Variants in TENM4 observed in about 807,000 individuals in gnomAD.
TENM4 encodes the protein teneurin transmembrane protein 4.
Under a neutral mutation model 243.3 loss-of-function variants are expected in TENM4, and 82 were observed. That is an observed-to-expected ratio of 0.34 (90% CI 0.28 to 0.40). The LOEUF (loss-of-function observed/expected upper bound fraction) is 0.40, where lower values mean the gene tolerates loss of function less well. Among genes scored for constraint, TENM4 ranks in the 10% least tolerant of loss-of-function variants. The pLI is 1.00. For synonymous variants in TENM4, 1,412 were observed against 1,456.3 expected (o/e 0.97, Z 0.69); for missense variants, 3,138 against 3,673.3 (o/e 0.85, Z 3.77).
intron 9 of TENM4, among the ~76,000 whole-genome samples, chr11:78,888,663 G>A (rs1855597318): frequency 6.6e-6 from 1 of 152,184 alleles, no homozygotes; most frequent in Non-Finnish European, 1.5e-5. Flanking sequence ...GACAGCCCCT[G>A]TTCAGCCACA....
chr11:78,898,524 C>T (rs1212527665), intron 7 of TENM4, among the ~76,000 whole-genome samples: 1 of 152,218 alleles, frequency 6.6e-6, no homozygotes, highest in African/African-American at 2.4e-5. Flanking sequence ...CTCTGTTGGG[C>T]CGCTAGGCCT....
chr11:78,754,704 C>G (rs1316286878), intron 19 of TENM4, among the ~76,000 whole-genome samples: 1 of 152,212 alleles, frequency 6.6e-6, no homozygotes, highest in East Asian at 1.9e-4. Flanking sequence ...CACCCAGAGA[C>G]AGAAGCAGCA....
At chr11:78,704,459 G>C (rs1437461282) in intron 27 of TENM4, among the ~76,000 whole-genome samples, 1 of 151,910 alleles carries the variant, frequency 6.6e-6, no homozygotes, top group African/African-American at 2.4e-5. Context: ...CAACAACTGA[G>C]AACTGGCTAA....
At chr11:78,965,215 G>T (rs1343448434) in intron 6 of TENM4, among the ~76,000 whole-genome samples, 1 of 151,910 alleles carries the variant, frequency 6.6e-6, no homozygotes, top group Non-Finnish European at 1.5e-5. Context: ...TTATATAGCT[G>T]CTGTGAGGAC....
intron 20 of TENM4, among the ~76,000 whole-genome samples, chr11:78,736,544 T>C (rs1855802413): frequency 6.6e-6 from 1 of 152,028 alleles, no homozygotes; most frequent in African/African-American, 2.4e-5. Flanking sequence ...GGTGCCTTCC[T>C]GGAAAGCGAA....
Position 78,750,849 on chromosome 11 carries a change from T to TTGTGTGTG in TENM4, c.2756+5948_2756+5955dup, listed in dbSNP as rs72172542. 7.4e-3 allele frequency among the ~76,000 whole-genome samples: 1,084 copies of TTGTGTGTG among 145,764 alleles called. 10 individuals carry two copies. The highest frequency in any genetic ancestry group is 0.026 in the African/African-American group (1,036 of 39,564). On this transcript the variant is annotated intron_variant, in intron 19 of 33. Transcript: ENST00000278550. ...CTGGTCAATATTTACCAAATGAGGC[T>TTGTGTGTG]TGTGTGTGTGTGTGTGTGTGTGTGT...
intron 3 of TENM4, among the ~76,000 whole-genome samples, chr11:79,161,534 G>C (rs906451894): frequency 6.6e-6 from 1 of 152,158 alleles, no homozygotes; most frequent in Non-Finnish European, 1.5e-5. Flanking sequence ...CATGTGAAGT[G>C]GGGGTGGAGA....
At chr11:78,850,991 T>C (rs1171697181) in intron 12 of TENM4, among the ~76,000 whole-genome samples, 2 of 152,182 alleles carry the variant, frequency 1.3e-5, no homozygotes, top group African/African-American at 4.8e-5. Context: ...CAGGATCCCC[T>C]GGGCTTCACC....
chr11:79,131,379 C>A (rs1460273329), intron 4 of TENM4, among the ~76,000 whole-genome samples: 1 of 152,130 alleles, frequency 6.6e-6, no homozygotes, highest in Non-Finnish European at 1.5e-5. Context: ...TATCTTCAGC[C>A]TCCTCAAACA....
intron 29 of TENM4, 45 bp from the exon 30 acceptor site, chr11:78,676,432 G>A (rs1055753540): frequency 5.3e-6 from 8 of 1,509,086 alleles, no homozygotes; most frequent in Middle Eastern, 3.6e-4. Flanking sequence ...GAACGAAGGT[G>A]GAGGGAGGTG....
At chr11:79,321,733 C>T (rs1856894570) in intron 1 of TENM4, among the ~76,000 whole-genome samples, 1 of 150,848 alleles carries the variant, frequency 6.6e-6, no homozygotes, top group South Asian at 2.1e-4. Context: ...CATCTCAAAG[C>T]ATAACAAAGA....
chr11:78,747,445 T>C (rs1280935981), intron 19 of TENM4, among the ~76,000 whole-genome samples: 1 of 152,150 alleles, frequency 6.6e-6, no homozygotes, highest in Admixed American at 6.5e-5. Flanking sequence ...GGATGTGAGG[T>C]TGAGCAGCTG....
At chr11:78,903,181 C>T in intron 7 of TENM4, 87 bp downstream of exon 7, 1 of 1,420,900 alleles carries the variant, frequency 7.0e-7, no homozygotes, top group Non-Finnish European at 9.2e-7. Flanking sequence ...TATCTGGGGA[C>T]ACTGAATGGC....
In TENM4 at chr11:78,722,828, T is replaced by C. The variant is rs1452684149; in HGVS notation, c.3640A>G (p.Ser1214Gly). Residue 1214 changes from serine to glycine, a missense_variant, in exon 24 of 34, where the codon AGC becomes GGC. Physicochemically the swap from Ser to Gly is moderately conservative, Grantham distance 56 (BLOSUM62 0). This residue lies in a region of TENM4 where 2,467 missense variants were observed against 3,059.1 expected (regional missense o/e 0.81). Coordinates refer to ENST00000278550, the MANE Select transcript of TENM4 (RefSeq NM_001098816.3). Reference sequence around the variant, plus strand: ...CCGTTGCAGCTGGGGCAGGAGATGCTTCTCCGGCGCCCATTGCCCATGATG... The same window carrying C: ...CCGTTGCAGCTGGGGCAGGAGATGCCTCTCCGGCGCCCATTGCCCATGATG... Reference protein sequence around the residue: ...GSIMGNGRRRSISCPSCNGLA... With the variant: ...GSIMGNGRRRGISCPSCNGLA... 2 of 1,613,920 alleles carry C rather than the reference T, an allele frequency of 1.2e-6. No homozygotes were observed. The highest frequency in any genetic ancestry group is 2.7e-5 in the African/African-American group (2 of 74,942).
chr11:79,100,572 CT>C (rs1392156897), intron 4 of TENM4, among the ~76,000 whole-genome samples: 1 of 152,196 alleles, frequency 6.6e-6, no homozygotes, highest in Non-Finnish European at 1.5e-5. Flanking sequence ...GGGAATTTGT[CT>C]GTCTCATTTC....
Position 79,146,323 on chromosome 11 carries a change from A to G in TENM4, c.-66+2387T>C, listed in dbSNP as rs902795060. ...GTGAGCCACTGTCTGGAGAACAAGG[A>G]TGTTAGCTATATTTAATTTCCAAAT... On this transcript the variant is annotated intron_variant, in intron 4 of 33. Coordinates refer to ENST00000278550, the MANE Select transcript of TENM4 (RefSeq NM_001098816.3). 1.8e-4 allele frequency among the ~76,000 whole-genome samples: 27 copies of G among 152,126 alleles called. 1 individual carries two copies. Among genetic ancestry groups the G allele is most frequent in the Non-Finnish European group, 8.8e-5 (6 of 68,002 alleles).
At chr11:79,338,261 A>G (rs535687984) in intron 1 of TENM4, among the ~76,000 whole-genome samples, 1 of 152,360 alleles carries the variant, frequency 6.6e-6, no homozygotes, top group Admixed American at 6.5e-5. Flanking sequence ...ACCTATAGAC[A>G]ACAAGAAGAG....
intron 1 of TENM4, among the ~76,000 whole-genome samples, chr11:79,432,097 G>A (rs1234629591): frequency 2.6e-5 from 4 of 152,184 alleles, no homozygotes; most frequent in African/African-American, 9.7e-5. Context: ...AGTTTAAAAT[G>A]TGACTAGTGA....
intron 1 of TENM4, among the ~76,000 whole-genome samples, chr11:79,409,085 TGTGTGTGTGTGTGTGTGCGCGC>T (rs1216134506): frequency 8.5e-6 from 1 of 118,314 alleles, no homozygotes; most frequent in African/African-American, 3.2e-5. Context: ...TGTGTGTGTG[TGTGTGTGTGTGTGTGTGCGCGC>T]GCGCGCGTGC....
Sources: allele counts gnomAD v4.1 joint callset (sites outside exome capture counted in the v4.1 genomes callset), GRCh38; gene constraint gnomAD v4.1.1; regional missense constraint gnomAD v4.1.1; transcripts MANE v1.5; gene names NCBI Gene and HGNC (gene_info 2026-07-23, HGNC 2026-07-21).